Variants in FER observed in about 807,000 individuals in gnomAD.
The protein encoded by FER is FER tyrosine kinase, also known as tyrosine-protein kinase Fer.
A neutral mutation model predicts 111.0 loss-of-function variants in FER; 63 were observed. The ratio of observed to expected loss-of-function variants is 0.57; its 90% CI spans 0.46 to 0.70. The LOEUF (loss-of-function observed/expected upper bound fraction) is 0.70. Among genes scored for constraint, FER ranks in the 30% least tolerant of loss-of-function variants. The pLI is 0.00. For missense variants in FER, 914 were observed against 954.0 expected, an observed-to-expected ratio of 0.96 and a Z score of 0.55; for synonymous variants, 327 against 313.9, an observed-to-expected ratio of 1.04 and a Z score of -0.44.
chr5:109,026,999 A>G (rs1254509792), intron 13 of FER, among the ~76,000 whole-genome samples: 1 of 152,126 alleles, frequency 6.6e-6, no homozygotes, highest in Admixed American at 6.6e-5. Context: ...TCTAAGGATT[A>G]TATGTTGGTC....
chr5:108,936,961 T>G (rs949736846), intron 10 of FER, among the ~76,000 whole-genome samples: 1 of 152,008 alleles, frequency 6.6e-6, no homozygotes, highest in African/African-American at 2.4e-5. Flanking sequence ...TTAAAATCAG[T>G]CTGAGTTAAA....
At position 109,037,486 on chromosome 5, in the gene FER, A is replaced by G. The variant is rs764187091; in HGVS notation, c.1713+8A>G. The G allele has an allele frequency of 1.2e-6, 2 of 1,609,554 alleles. No individual in the cohort carries two copies. Among genetic ancestry groups the G allele is most frequent in the South Asian group, 1.1e-5 (1 of 90,772 alleles). On this transcript the variant is annotated splice_region_variant and intron_variant, in intron 14 of 19. Coordinates refer to ENST00000281092, the MANE Select transcript of FER (RefSeq NM_005246.4). Reference sequence around the variant, plus strand: ...GGAGAATTACTGGGCAAGGTATGTAATCAACTGAGCTAAATAACCAGAAGT... The same window carrying G: ...GGAGAATTACTGGGCAAGGTATGTAGTCAACTGAGCTAAATAACCAGAAGT...
intron 8 of FER, among the ~76,000 whole-genome samples, chr5:108,881,971 T>C (rs1287567925): frequency 6.6e-6 from 1 of 152,162 alleles, no homozygotes; most frequent in Non-Finnish European, 1.5e-5. Flanking sequence ...CAATGCTATA[T>C]GTATTCTGCT....
intron 2 of FER, among the ~76,000 whole-genome samples, chr5:108,792,226 G>T (rs898754695): frequency 6.6e-6 from 1 of 152,174 alleles, no homozygotes; most frequent in Non-Finnish European, 1.5e-5. Flanking sequence ...AAAGCTAGCC[G>T]AGATATTAAT....
chr5:109,070,146 A>G (rs1224316163), intron 16 of FER, among the ~76,000 whole-genome samples: 1 of 150,106 alleles, frequency 6.7e-6, no homozygotes. Context: ...TTTTTTTTTC[A>G]TCTCCGCAAC....
chr5:108,942,906 T>C (rs1357783957), intron 10 of FER, among the ~76,000 whole-genome samples: 1 of 152,176 alleles, frequency 6.6e-6, no homozygotes, highest in Admixed American at 6.5e-5. Flanking sequence ...ATGAATATTA[T>C]ATTTTTCTTG....
At chr5:109,072,127 C>G (rs1775835361) in intron 16 of FER, among the ~76,000 whole-genome samples, 1 of 151,440 alleles carries the variant, frequency 6.6e-6, no homozygotes, top group African/African-American at 2.4e-5. Flanking sequence ...TTGGATATAA[C>G]TAACTAGATC....
At chr5:108,875,209 A>G (rs752742790) in intron 8 of FER, among the ~76,000 whole-genome samples, 2 of 152,154 alleles carry the variant, frequency 1.3e-5, no homozygotes, top group African/African-American at 2.4e-5. Context: ...ATGGTATCTT[A>G]CCATGTGGTC....
intron 17 of FER, among the ~76,000 whole-genome samples, chr5:109,143,616 C>G (rs76045568): frequency 0.1 from 15,926 of 152,050 alleles, 847 homozygotes; most frequent in Non-Finnish European, 0.12. Flanking sequence ...CCCCGAACCT[C>G]CTCTATTTTT....
chr5:109,029,220 CTTTT>C (rs558664340), intron 13 of FER, among the ~76,000 whole-genome samples: 2 of 109,962 alleles, frequency 1.8e-5, no homozygotes, highest in Admixed American at 8.9e-5. Flanking sequence ...TTTAGGCTTT[CTTTT>C]TTTTTTTTTT....
chr5:108,885,941 TAAAC>T (rs1433581049), intron 9 of FER, among the ~76,000 whole-genome samples: 6 of 151,964 alleles, frequency 3.9e-5, no homozygotes, highest in Non-Finnish European at 8.8e-5. Flanking sequence ...CATATAAAAT[TAAAC>T]AAAAGAATTA....
At chr5:108,884,816 T>TGGC (rs1746853700) in intron 9 of FER, among the ~76,000 whole-genome samples, 1 of 152,092 alleles carries the variant, frequency 6.6e-6, no homozygotes, top group Non-Finnish European at 1.5e-5. Context: ...TTTCAAAGTC[T>TGGC]GGCTTTTTGC....
chr5:109,017,852 C>G (rs1214073516), intron 13 of FER, among the ~76,000 whole-genome samples: 9 of 151,870 alleles, frequency 5.9e-5, no homozygotes, highest in Admixed American at 5.9e-4. Flanking sequence ...ATTATGAGAA[C>G]TAATGCATTG....
In FER at chr5:108,806,992, A is replaced by C. The variant is rs1340160237; in HGVS notation, c.207+8603A>C. Among the ~76,000 whole-genome samples the C allele has an allele frequency of 4.6e-5, 7 of 152,040 alleles. No homozygotes were observed. The East Asian group carries it at 9.7e-4, about 21-fold the overall frequency. On this transcript the variant is annotated intron_variant, in intron 3 of 19. Coordinates refer to ENST00000281092, the MANE Select transcript of FER (RefSeq NM_005246.4). Reference sequence around the variant, plus strand: ...TATGGTTTAGCTGTGTCCCACCCAAAATCTCATATTGAATTTTAACTCCCA... The same window carrying C: ...TATGGTTTAGCTGTGTCCCACCCAACATCTCATATTGAATTTTAACTCCCA...
At chr5:108,966,414 GTTTTGCTC>G in intron 13 of FER, among the ~76,000 whole-genome samples, 1 of 129,292 alleles carries the variant, frequency 7.7e-6, no homozygotes, top group African/African-American at 3.0e-5. Flanking sequence ...TTGAGATGGA[GTTTTGCTC>G]TTTTGCTCAG....
intron 17 of FER, among the ~76,000 whole-genome samples, chr5:109,119,590 T>C (rs1038894091): frequency 6.6e-6 from 1 of 152,172 alleles, no homozygotes; most frequent in African/African-American, 2.4e-5. Context: ...CGTTGATCTG[T>C]CTGATGTTGA....
chr5:108,890,673 C>A (rs996336883), intron 9 of FER, among the ~76,000 whole-genome samples: 1 of 152,046 alleles, frequency 6.6e-6, no homozygotes, highest in Non-Finnish European at 1.5e-5. Context: ...TCTGAAACAA[C>A]CCTGTTTCCA....
At chr5:108,865,466 A>T (rs1188119827) in intron 5 of FER, among the ~76,000 whole-genome samples, 1 of 152,196 alleles carries the variant, frequency 6.6e-6, no homozygotes, top group Non-Finnish European at 1.5e-5. Context: ...TGTTAGACCT[A>T]AAACCATAAA....
intron 12 of FER, among the ~76,000 whole-genome samples, chr5:108,956,476 A>G (rs1205122164): frequency 2.6e-5 from 4 of 151,638 alleles, no homozygotes; most frequent in Admixed American, 6.6e-5. Context: ...GCGTTCTTAG[A>G]AACAAAAAGG....
Sources: allele counts gnomAD v4.1 joint callset (sites outside exome capture counted in the v4.1 genomes callset), GRCh38; gene constraint gnomAD v4.1.1; transcripts MANE v1.5; gene names NCBI Gene and HGNC (gene_info 2026-07-23, HGNC 2026-07-21).